The following ARHGAP10 variants were observed in gnomAD, a reference collection of about 807,000 sequenced individuals.
The protein encoded by ARHGAP10 is Rho GTPase activating protein 10, also known as rho GTPase-activating protein 10.
A neutral mutation model predicts 108.6 loss-of-function variants in ARHGAP10; 87 were observed. The ratio of observed to expected loss-of-function variants is 0.80; its 90% CI spans 0.67 to 0.96. ARHGAP10 has a LOEUF of 0.96. Ranked by LOEUF, ARHGAP10 falls within the 40% of genes least tolerant of loss-of-function variation. The probability of loss-of-function intolerance (pLI) is 0.00; values close to 1 mark genes in which losing one functional copy is unlikely to be tolerated. For missense variants in ARHGAP10, 939 were observed against 954.5 expected, an observed-to-expected ratio of 0.98 and a Z score of 0.21; for synonymous variants, 347 against 341.1, an observed-to-expected ratio of 1.02 and a Z score of -0.19.
At chr4:147,842,314 G>T (rs1733449732) in intron 3 of ARHGAP10, among the ~76,000 whole-genome samples, 1 of 152,172 alleles carries the variant, frequency 6.6e-6, no homozygotes, top group African/African-American at 2.4e-5. Context: ...TTCTCCAAAT[G>T]AAGGAAAAAT....
intron 1 of ARHGAP10, among the ~76,000 whole-genome samples, chr4:147,748,197 G>C (rs1729012361): frequency 1.3e-5 from 2 of 152,198 alleles, no homozygotes; most frequent in Admixed American, 1.3e-4. Flanking sequence ...CTGGACCTGT[G>C]GTTGCTCTAC....
chr4:147,913,229 C>G, intron 13 of ARHGAP10, 90 bp downstream of exon 13: 3 of 1,137,028 alleles, frequency 2.6e-6, no homozygotes, highest in Non-Finnish European at 4.0e-6. Flanking sequence ...TTAAGTGTTA[C>G]AGAATGAAAC....
At chr4:147,732,603 C>A (rs1215953754) in intron 1 of ARHGAP10, 148 bp downstream of exon 1, 34 of 1,137,010 alleles carry the variant, frequency 3.0e-5, no homozygotes, top group Non-Finnish European at 4.0e-5. Context: ...TCTCTCGGAA[C>A]CCCGGGGGGT....
At position 147,918,107 on chromosome 4, in the gene ARHGAP10, G is replaced by GA. The variant is rs1049251319; in HGVS notation, c.1228+4973dup. On this transcript the variant is annotated intron_variant, in intron 13 of 22. Coordinates refer to ENST00000336498, the MANE Select transcript of ARHGAP10 (RefSeq NM_024605.4). ...ACACTGGATTTTGGAGGCTGAATAAGAAAAATAATTTAAACTCTCATTAAG... is the reference window on the plus strand; with the variant it reads ...ACACTGGATTTTGGAGGCTGAATAAGAAAAAATAATTTAAACTCTCATTAAG... Among the ~76,000 whole-genome samples the GA allele has an allele frequency of 3.4e-5, 5 of 148,048 alleles. No homozygotes were observed. The Admixed American group carries it at 3.4e-4, about 10-fold the overall frequency.
chr4:147,761,191 A>T (rs913987834), intron 1 of ARHGAP10, among the ~76,000 whole-genome samples: 2 of 151,604 alleles, frequency 1.3e-5, no homozygotes, highest in African/African-American at 4.9e-5. Flanking sequence ...TGATTTTTAA[A>T]TTTTTTGTAG....
intron 13 of ARHGAP10, among the ~76,000 whole-genome samples, chr4:147,921,670 A>T (rs1400483003): frequency 6.6e-6 from 1 of 152,198 alleles, no homozygotes; most frequent in Non-Finnish European, 1.5e-5. Context: ...AGCCAAAAGC[A>T]GTTACAATTT....
intron 1 of ARHGAP10, among the ~76,000 whole-genome samples, chr4:147,755,713 T>C (rs1251767827): frequency 6.6e-6 from 1 of 152,156 alleles, no homozygotes; most frequent in Non-Finnish European, 1.5e-5. Flanking sequence ...CTTGCCCTTA[T>C]ATAGTGTAGG....
chr4:148,029,175 T>C (rs1467283435), intron 19 of ARHGAP10, among the ~76,000 whole-genome samples: 2 of 152,224 alleles, frequency 1.3e-5, no homozygotes, highest in African/African-American at 2.4e-5. Flanking sequence ...AAATATTCCA[T>C]GTGCTTAGAA....
intron 18 of ARHGAP10, among the ~76,000 whole-genome samples, chr4:147,976,756 A>C (rs1346870534): frequency 6.6e-6 from 1 of 151,998 alleles, no homozygotes; most frequent in Non-Finnish European, 1.5e-5. Flanking sequence ...GGTAGATTGT[A>C]TTTTCCCTTG....
At chr4:147,791,112 C>CTTTTTTTT (rs368304720) in intron 1 of ARHGAP10, among the ~76,000 whole-genome samples, 1 of 134,258 alleles carries the variant, frequency 7.4e-6, no homozygotes, top group Non-Finnish European at 1.6e-5. Context: ...ATATTCTTTA[C>CTTTTTTTT]TTTTTTTTTT....
chr4:147,845,821 G>T (rs1011581073), intron 3 of ARHGAP10, among the ~76,000 whole-genome samples: 8 of 152,164 alleles, frequency 5.3e-5, no homozygotes, highest in African/African-American at 1.9e-4. Context: ...GAAAACGTAT[G>T]CTAGCACTTC....
intron 7 of ARHGAP10, among the ~76,000 whole-genome samples, chr4:147,867,602 A>C (rs1331160879): frequency 6.6e-6 from 1 of 152,108 alleles, no homozygotes; most frequent in African/African-American, 2.4e-5. Context: ...ACAGTGGTTC[A>C]TGCCTGTAAT....
intron 1 of ARHGAP10, among the ~76,000 whole-genome samples, chr4:147,805,191 A>G (rs1002609850): frequency 2.2e-4 from 34 of 152,294 alleles, no homozygotes; most frequent in Middle Eastern, 6.8e-3. Context: ...TCTTCTGCCT[A>G]TGGCTAGCCA....
intron 11 of ARHGAP10, 98 bp from the exon 12 acceptor site, chr4:147,909,634 A>G: frequency 9.6e-7 from 1 of 1,040,436 alleles, no homozygotes; most frequent in African/African-American, 1.6e-5. Context: ...TCAAGCTTAT[A>G]AAAATGTATT....
intron 19 of ARHGAP10, among the ~76,000 whole-genome samples, chr4:148,045,063 C>A (rs943858630): frequency 6.6e-6 from 1 of 152,184 alleles, no homozygotes; most frequent in Non-Finnish European, 1.5e-5. Context: ...CCCCCACCCT[C>A]CCCGGGAACA....
At position 148,023,324 on chromosome 4, in the gene ARHGAP10, C is replaced by A; in HGVS notation, c.1778C>A (p.Pro593Gln). The change falls in exon 19 of 23, where the codon CCA becomes CAA. Residue 593 changes from proline (P) to glutamine (Q), a missense_variant. Pro to Gln is a moderately conservative substitution (Grantham distance 76). Coordinates refer to ENST00000336498, the MANE Select transcript of ARHGAP10 (RefSeq NM_024605.4). ...CCCACCTGCCTGTCAGCATCACCCC[C>A]AAATGCGCCACCAAGGCAGTCGAAG... Reference protein sequence around the residue: ...PEPTCLSASPPNAPPRQSKRQ... With the variant: ...PEPTCLSASPQNAPPRQSKRQ... 1.9e-6 allele frequency: 3 copies of A among 1,614,188 alleles called. No homozygotes were observed. The highest frequency in any genetic ancestry group is 2.5e-6 in the Non-Finnish European group (3 of 1,180,016).
At chr4:147,993,131 C>T (rs927989805) in intron 18 of ARHGAP10, among the ~76,000 whole-genome samples, 1 of 152,088 alleles carries the variant, frequency 6.6e-6, no homozygotes, top group African/African-American at 2.4e-5. Context: ...CTTTCTTGAC[C>T]AGATAGTGAT....
chr4:147,741,142 T>C (rs1237560252), intron 1 of ARHGAP10, among the ~76,000 whole-genome samples: 2 of 152,242 alleles, frequency 1.3e-5, no homozygotes, highest in Non-Finnish European at 2.9e-5. Context: ...ATTGATGTTC[T>C]ATGATGATGT....
chr4:147,891,070 G>C (rs1735778526), intron 10 of ARHGAP10, among the ~76,000 whole-genome samples: 1 of 152,178 alleles, frequency 6.6e-6, no homozygotes, highest in Admixed American at 6.5e-5. Flanking sequence ...CAGTTTGTCA[G>C]TTCTTCAGAA....
Sources: gnomAD v4.1 joint callset for allele counts (sites outside exome capture counted in the v4.1 genomes callset) on GRCh38, gnomAD v4.1.1 for gene constraint, MANE v1.5 for transcripts, NCBI Gene and HGNC (gene_info 2026-07-23, HGNC 2026-07-21) for gene names.